The following PACRG variants were observed in gnomAD, a reference collection of about 807,000 sequenced individuals.
PACRG encodes parkin coregulated, also known as parkin coregulated gene protein.
In PACRG, 29 loss-of-function variants were observed where a neutral mutation model predicts 29.7. The observed-to-expected ratio is 0.98, with a 90% CI of 0.73 to 1.33. The LOEUF (loss-of-function observed/expected upper bound fraction) is 1.33. PACRG is among the 40% of genes most tolerant of loss of function. The pLI is 0.00. For synonymous variants in PACRG, 116 were observed against 118.7 expected (o/e 0.98, Z 0.15); for missense variants, 279 against 316.2 (o/e 0.88, Z 0.89).
chr6:163,252,755 G>A (rs1562340297), intron 4 of PACRG, among the ~76,000 whole-genome samples: 1 of 152,194 alleles, frequency 6.6e-6, no homozygotes, highest in Non-Finnish European at 1.5e-5. Flanking sequence ...ATTGGAAAAG[G>A]GTCTGATTCC....
chr6:162,907,028 C>G (rs1584723015), intron 2 of PACRG, among the ~76,000 whole-genome samples: 1 of 152,290 alleles, frequency 6.6e-6, no homozygotes, highest in South Asian at 2.1e-4. Flanking sequence ...AGTTAATACT[C>G]TATGAAATGC....
chr6:163,295,422 A>G (rs1784750774), intron 4 of PACRG, among the ~76,000 whole-genome samples: 1 of 152,172 alleles, frequency 6.6e-6, no homozygotes, highest in African/African-American at 2.4e-5. Context: ...CTGTAAGGGA[A>G]ACAGCCGAGG....
At chr6:162,901,183 C>T (rs1157067553) in intron 2 of PACRG, among the ~76,000 whole-genome samples, 2 of 152,176 alleles carry the variant, frequency 1.3e-5, no homozygotes, top group African/African-American at 4.8e-5. Flanking sequence ...TGGGCTACAT[C>T]GGCTCTAGGA....
intron 1 of PACRG, among the ~76,000 whole-genome samples, chr6:162,747,514 A>G (rs1468100630): frequency 7.3e-6 from 1 of 137,204 alleles, no homozygotes; most frequent in Admixed American, 7.6e-5. Context: ...CTGTCCCTCC[A>G]GAGACCCCTG....
Position 162,728,687 on chromosome 6 carries a change from CCTTTA to C in PACRG, c.156+300_156+304del, listed in dbSNP as rs372147703. Among the ~76,000 whole-genome samples, 575 of 152,282 alleles carry C rather than the reference CCTTTA, an allele frequency of 3.8e-3. 4 individuals carry two copies. The highest frequency in any genetic ancestry group is 0.013 in the African/African-American group (558 of 41,548). On this transcript the variant is annotated intron_variant, in intron 1 of 4. Coordinates refer to ENST00000366888, the MANE Select transcript of PACRG (RefSeq NM_001080379.2). ...CTATTTACACGAGGAAAAAAGATCCCCTTTACTTACTAATTCCTAACTAGCCCCAC... is the reference window on the plus strand; with the variant it reads ...CTATTTACACGAGGAAAAAAGATCCCCTTACTAATTCCTAACTAGCCCCAC...
At chr6:163,291,682 A>G (rs1784616301) in intron 4 of PACRG, among the ~76,000 whole-genome samples, 1 of 152,258 alleles carries the variant, frequency 6.6e-6, no homozygotes, top group South Asian at 2.1e-4. Flanking sequence ...GGGCCTCTAG[A>G]GAAGCACCAA....
At chr6:162,896,733 G>A (rs377329378) in intron 2 of PACRG, among the ~76,000 whole-genome samples, 3 of 152,248 alleles carry the variant, frequency 2.0e-5, no homozygotes, top group East Asian at 1.9e-4. Context: ...GTAAGCAAGC[G>A]GTCTGTGTGT....
chr6:163,289,850 A>C (rs1421664440), intron 4 of PACRG, among the ~76,000 whole-genome samples: 2 of 148,356 alleles, frequency 1.3e-5, no homozygotes, highest in Non-Finnish European at 3.0e-5. Flanking sequence ...TTTCTTTTTT[A>C]TTTTATTTTA....
At chr6:162,864,110 G>A (rs1220480821) in intron 2 of PACRG, among the ~76,000 whole-genome samples, 3 of 152,042 alleles carry the variant, frequency 2.0e-5, no homozygotes, top group South Asian at 2.1e-4. Flanking sequence ...AAATCTCACC[G>A]TCCAATAATT....
At chr6:162,737,919 T>C (rs956311403) in intron 1 of PACRG, among the ~76,000 whole-genome samples, 4 of 152,116 alleles carry the variant, frequency 2.6e-5, no homozygotes, top group Admixed American at 6.6e-5. Flanking sequence ...AACCAATGTT[T>C]TCACTGAATT....
chr6:162,756,585 T>A (rs557635004), intron 1 of PACRG, among the ~76,000 whole-genome samples: 12 of 152,282 alleles, frequency 7.9e-5, no homozygotes, highest in South Asian at 4.1e-4. Context: ...GATCTTTTTT[T>A]AAAAATTTAT....
At position 162,934,981 on chromosome 6, in the gene PACRG, T is replaced by G. The variant is rs1798129861; in HGVS notation, c.291+120700T>G. On this transcript the variant is annotated intron_variant, in intron 2 of 4. Coordinates refer to ENST00000366888, the MANE Select transcript of PACRG (RefSeq NM_001080379.2). Reference sequence around the variant, plus strand: ...ACATTCTTGGCTGATAGTTGTTGTTTTTTCTTTCAGTACTTTGAAGATATC... The same window carrying G: ...ACATTCTTGGCTGATAGTTGTTGTTGTTTCTTTCAGTACTTTGAAGATATC... Among the ~76,000 whole-genome samples, 3 of 152,186 alleles carry G rather than the reference T, an allele frequency of 2.0e-5. No homozygotes were observed. In the South Asian group the frequency reaches 6.2e-4, roughly 31 times the overall value.
intron 2 of PACRG, among the ~76,000 whole-genome samples, chr6:163,048,126 T>C (rs1437139081): frequency 6.6e-6 from 1 of 152,186 alleles, no homozygotes; most frequent in Non-Finnish European, 1.5e-5. Flanking sequence ...AGCCATATCA[T>C]CCTCAAATAT....
At chr6:162,782,787 T>C (rs1056794321) in intron 1 of PACRG, among the ~76,000 whole-genome samples, 1 of 151,842 alleles carries the variant, frequency 6.6e-6, no homozygotes, top group African/African-American at 2.4e-5. Flanking sequence ...ATCAAGAAAT[T>C]ACTTAGTCAA....
intron 1 of PACRG, among the ~76,000 whole-genome samples, chr6:162,746,685 G>A (rs760316729): frequency 5.9e-5 from 9 of 152,082 alleles, no homozygotes; most frequent in African/African-American, 1.7e-4. Flanking sequence ...CCCTCCCCTC[G>A]GTGCTTTGCA....
At chr6:163,289,240 C>T (rs945782540) in intron 4 of PACRG, among the ~76,000 whole-genome samples, 3 of 152,180 alleles carry the variant, frequency 2.0e-5, no homozygotes, top group Admixed American at 6.5e-5. Context: ...GTATTTGCTG[C>T]GGCTTTGATC....
At chr6:162,811,703 T>C (rs1170251204) in intron 1 of PACRG, among the ~76,000 whole-genome samples, 1 of 152,182 alleles carries the variant, frequency 6.6e-6, no homozygotes, top group African/African-American at 2.4e-5. Context: ...AAGTAATCCA[T>C]ATGACCTTTA....
chr6:163,115,838 T>G (rs925262795), intron 4 of PACRG, among the ~76,000 whole-genome samples: 3 of 152,204 alleles, frequency 2.0e-5, no homozygotes, highest in Admixed American at 6.5e-5. Flanking sequence ...GTTTCAGCTC[T>G]TCACCTGCCT....
chr6:162,822,926 C>T (rs928698252), intron 2 of PACRG, among the ~76,000 whole-genome samples: 1 of 151,948 alleles, frequency 6.6e-6, no homozygotes, highest in Non-Finnish European at 1.5e-5. Context: ...TAACATATAA[C>T]ATATGTTATT....
Sources: allele counts gnomAD v4.1 joint callset (sites outside exome capture counted in the v4.1 genomes callset), GRCh38; gene constraint gnomAD v4.1.1; transcripts MANE v1.5; gene names NCBI Gene and HGNC (gene_info 2026-07-23, HGNC 2026-07-21).